The following KCNK10 variants were observed in gnomAD, a reference collection of about 807,000 sequenced individuals.
KCNK10 encodes potassium channel subfamily K member 10.
A neutral mutation model predicts 47.7 loss-of-function variants in KCNK10; 25 were observed. The ratio of observed to expected loss-of-function variants is 0.52; its 90% CI spans 0.38 to 0.73. The LOEUF (loss-of-function observed/expected upper bound fraction) is 0.73, where lower values mean the gene tolerates loss of function less well. Ranked by LOEUF, KCNK10 falls within the 30% of genes least tolerant of loss-of-function variation. The pLI, the probability that KCNK10 is intolerant of heterozygous loss-of-function variation, is 0.00. For missense variants in KCNK10, 563 were observed against 714.5 expected (o/e 0.79, Z 2.42); for synonymous variants, 303 against 285.6 (o/e 1.06, Z -0.61).
chr14:88,204,097 G>T (rs1885188217), intron 4 of KCNK10, among the ~76,000 whole-genome samples: 1 of 152,160 alleles, frequency 6.6e-6, no homozygotes, highest in Admixed American at 6.5e-5. Context: ...GGCCTCTACA[G>T]TGACCATGTA....
chr14:88,243,821 G>C (rs544132220), intron 2 of KCNK10, among the ~76,000 whole-genome samples: 28 of 151,408 alleles, frequency 1.8e-4, no homozygotes, highest in African/African-American at 6.3e-4. Context: ...TTCAGGCTCC[G>C]TAGCGGCAAT....
intron 1 of KCNK10, among the ~76,000 whole-genome samples, chr14:88,267,780 T>G (rs1392506316): frequency 6.6e-6 from 1 of 152,184 alleles, no homozygotes; most frequent in Non-Finnish European, 1.5e-5. Context: ...AATCAACCAC[T>G]GGAGTTCTCA....
chr14:88,263,715 A>G (rs1421001962), intron 1 of KCNK10, among the ~76,000 whole-genome samples, 164 bp from the exon 2 acceptor site: 1 of 152,174 alleles, frequency 6.6e-6, no homozygotes, highest in Non-Finnish European at 1.5e-5. Context: ...ATCAGTTGCT[A>G]GGTACCCATT....
At chr14:88,311,529 T>TA (rs1371421792) in intron 1 of KCNK10, among the ~76,000 whole-genome samples, 2 of 152,112 alleles carry the variant, frequency 1.3e-5, no homozygotes, top group African/African-American at 4.8e-5. Flanking sequence ...AAAACACATC[T>TA]AAAAAAATCT....
chr14:88,287,767 G>C (rs955104618), intron 1 of KCNK10, among the ~76,000 whole-genome samples: 14 of 151,184 alleles, frequency 9.3e-5, no homozygotes, highest in Non-Finnish European at 1.9e-4. Flanking sequence ...GGGCATTTGG[G>C]CTGGTTCCAT....
chr14:88,320,057 G>C (rs1888512860), intron 1 of KCNK10, among the ~76,000 whole-genome samples: 4 of 152,108 alleles, frequency 2.6e-5, no homozygotes, highest in African/African-American at 7.2e-5. Flanking sequence ...AAAGACTACT[G>C]TCACCCCTAC....
intron 3 of KCNK10, chr14:88,235,199 C>T (rs771635958): frequency 4.4e-6 from 2 of 456,638 alleles, no homozygotes; most frequent in South Asian, 3.1e-5. Flanking sequence ...GAAGGTGGTA[C>T]CCTGACTCAC....
intron 3 of KCNK10, among the ~76,000 whole-genome samples, chr14:88,230,760 T>G (rs889356479): frequency 2.0e-5 from 3 of 152,160 alleles, no homozygotes; most frequent in Admixed American, 6.5e-5. Flanking sequence ...CTGGTGAATC[T>G]AGCTGGACTC....
At chr14:88,219,224 T>C (rs1421831953) in intron 4 of KCNK10, among the ~76,000 whole-genome samples, 4 of 152,154 alleles carry the variant, frequency 2.6e-5, no homozygotes, top group African/African-American at 7.2e-5. Context: ...CAGGAGTGCA[T>C]CTTAGAGCAT....
chr14:88,285,978 G>A (rs539870562), intron 1 of KCNK10, among the ~76,000 whole-genome samples: 10 of 152,226 alleles, frequency 6.6e-5, no homozygotes, highest in East Asian at 5.8e-4. Flanking sequence ...AGACCACACC[G>A]CTTCTGCCTG....
intron 1 of KCNK10, among the ~76,000 whole-genome samples, chr14:88,290,374 G>C (rs1887850957): frequency 6.6e-6 from 1 of 152,180 alleles, no homozygotes; most frequent in South Asian, 2.1e-4. Flanking sequence ...AGCCCCATAT[G>C]ACCCACTTAG....
At chr14:88,268,663 C>G (rs750133046) in intron 1 of KCNK10, among the ~76,000 whole-genome samples, 4 of 152,192 alleles carry the variant, frequency 2.6e-5, no homozygotes, top group Non-Finnish European at 4.4e-5. Flanking sequence ...ATGAGATTGA[C>G]TACTTCAGTT....
intron 1 of KCNK10, among the ~76,000 whole-genome samples, chr14:88,289,663 T>G (rs183852545): frequency 6.6e-6 from 1 of 152,362 alleles, no homozygotes; most frequent in Non-Finnish European, 1.5e-5. Context: ...AAGGGGGCTG[T>G]GATGAATTGT....
At chr14:88,248,939 T>G (rs2139900921) in intron 2 of KCNK10, among the ~76,000 whole-genome samples, 1 of 152,256 alleles carries the variant, frequency 6.6e-6, no homozygotes. Context: ...ATTATCCTAT[T>G]TAGTCCTCAC....
At chr14:88,224,364 CATCT>C (rs1885917998) in intron 4 of KCNK10, among the ~76,000 whole-genome samples, 1 of 152,218 alleles carries the variant, frequency 6.6e-6, no homozygotes, top group Non-Finnish European at 1.5e-5. Flanking sequence ...ATTTGATCTC[CATCT>C]GACTCCTCCA....
rs142465790 is a variant in KCNK10, at chr14:88,199,701, A to G, written c.682-7291T>C. 1.4e-4 allele frequency among the ~76,000 whole-genome samples: 22 copies of G among 152,328 alleles called. No homozygotes were observed. The East Asian group carries it at 4.2e-3, about 29-fold the overall frequency. On this transcript the variant is annotated intron_variant, in intron 4 of 6. Transcript: ENST00000319231. ...TCCAAGAGTACCCAGAACACGTAAAAGAGAAGAAAGTTGTCATATGATCCC... is the reference window on the plus strand; with the variant it reads ...TCCAAGAGTACCCAGAACACGTAAAGGAGAAGAAAGTTGTCATATGATCCC...
chr14:88,219,967 T>C (rs1054967628), intron 4 of KCNK10, among the ~76,000 whole-genome samples: 1 of 152,162 alleles, frequency 6.6e-6, no homozygotes, highest in Admixed American at 6.5e-5. Flanking sequence ...CCCTTGCAGA[T>C]GCTAATGTGA....
intron 2 of KCNK10, among the ~76,000 whole-genome samples, chr14:88,259,763 T>C (rs1257826066): frequency 2.0e-5 from 3 of 152,220 alleles, no homozygotes; most frequent in African/African-American, 7.2e-5. Context: ...GGCCATCTAA[T>C]GCTTTTTGAC....
chr14:88,262,455 C>G (rs1221074126), intron 2 of KCNK10, among the ~76,000 whole-genome samples: 1 of 152,216 alleles, frequency 6.6e-6, no homozygotes, highest in Admixed American at 6.5e-5. Flanking sequence ...CGCAGCCCCA[C>G]AGATGACTCT....
Sources: allele counts gnomAD v4.1 joint callset (sites outside exome capture counted in the v4.1 genomes callset), GRCh38; gene constraint gnomAD v4.1.1; transcripts MANE v1.5; gene names NCBI Gene and HGNC (gene_info 2026-07-23, HGNC 2026-07-21).